The following SNTG1 variants were observed in gnomAD, a reference collection of about 807,000 sequenced individuals.
SNTG1 encodes gamma-1-syntrophin.
SNTG1 carries 39 observed loss-of-function variants against 74.7 expected under a neutral mutation model. That is an observed-to-expected ratio of 0.52 (90% CI 0.40 to 0.68). The LOEUF is 0.68. SNTG1 is among the 30% of genes least tolerant of loss of function. The pLI, the probability that SNTG1 is intolerant of heterozygous loss-of-function variation, is 0.00. For missense variants in SNTG1, 685 were observed against 609.5 expected (o/e 1.12, Z -1.30); for synonymous variants, 254 against 217.1 (o/e 1.17, Z -1.49).
At chr8:50,595,240 T>C (rs1190581049) in intron 13 of SNTG1, among the ~76,000 whole-genome samples, 1 of 152,110 alleles carries the variant, frequency 6.6e-6, no homozygotes, top group Non-Finnish European at 1.5e-5. Context: ...GTTTTTGTTC[T>C]GGTCTATTTC....
intron 13 of SNTG1, among the ~76,000 whole-genome samples, chr8:50,636,431 G>A (rs1316536403): frequency 1.3e-5 from 2 of 152,046 alleles, no homozygotes; most frequent in African/African-American, 4.8e-5. Context: ...GCACACGGTA[G>A]TAAAGCTTGC....
chr8:50,483,608 T>G (rs970057432), intron 8 of SNTG1, among the ~76,000 whole-genome samples: 9 of 152,128 alleles, frequency 5.9e-5, no homozygotes, highest in African/African-American at 1.7e-4. Flanking sequence ...AAATTCAGAA[T>G]AGCATGTTCA....
At chr8:50,160,216 C>T (rs528833195) in intron 1 of SNTG1, among the ~76,000 whole-genome samples, 3 of 152,224 alleles carry the variant, frequency 2.0e-5, no homozygotes, top group South Asian at 4.1e-4. Context: ...CTAGATAATA[C>T]TCACCTGGAG....
intron 18 of SNTG1, among the ~76,000 whole-genome samples, chr8:50,783,019 AT>A (rs1324742227): frequency 6.6e-6 from 1 of 152,034 alleles, no homozygotes; most frequent in Non-Finnish European, 1.5e-5. Flanking sequence ...AGAAGAGCCG[AT>A]TTTCATGAAC....
In SNTG1 at chr8:50,426,852, A is replaced by G. The variant is rs193018971; in HGVS notation, c.163-11691A>G. ...AGTAACACAAATTTAAAAAGCAATA[A>G]CGTATAATAACTATTTACTATATAG... On this transcript the variant is annotated intron_variant, in intron 4 of 18. Coordinates refer to ENST00000642720, the MANE Select transcript of SNTG1 (RefSeq NM_018967.5). Among the ~76,000 whole-genome samples the G allele has an allele frequency of 3.5e-3, 527 of 152,232 alleles. 3 individuals are homozygous for G. Among genetic ancestry groups the G allele is most frequent in the African/African-American group, 0.012 (507 of 41,558 alleles).
intron 2 of SNTG1, among the ~76,000 whole-genome samples, chr8:50,199,659 G>C (rs1418100095): frequency 6.6e-6 from 1 of 152,118 alleles, no homozygotes; most frequent in Non-Finnish European, 1.5e-5. Flanking sequence ...AAATTATGAC[G>C]ACGCTGAGTG....
At chr8:50,116,567 T>C (rs1488487884) in intron 1 of SNTG1, among the ~76,000 whole-genome samples, 1 of 152,200 alleles carries the variant, frequency 6.6e-6, no homozygotes, top group African/African-American at 2.4e-5. Context: ...TTCGTATTCG[T>C]TCATTTATAA....
intron 1 of SNTG1, among the ~76,000 whole-genome samples, chr8:50,036,829 A>G (rs1818209753): frequency 6.6e-6 from 1 of 152,184 alleles, no homozygotes; most frequent in Non-Finnish European, 1.5e-5. Context: ...ACCATCTTTT[A>G]TTTTCCCTTA....
intron 2 of SNTG1, among the ~76,000 whole-genome samples, chr8:50,258,697 A>G (rs1467083151): frequency 6.6e-6 from 1 of 152,154 alleles, no homozygotes; most frequent in East Asian, 1.9e-4. Flanking sequence ...TAAACAATCT[A>G]TGAACTTGAA....
intron 13 of SNTG1, among the ~76,000 whole-genome samples, chr8:50,617,384 A>T (rs1028839378): frequency 8.8e-4 from 110 of 125,590 alleles, no homozygotes; most frequent in African/African-American, 3.9e-3. Context: ...CATTTCACAC[A>T]CACACACACA....
At chr8:50,363,049 A>C (rs1323435875) in intron 2 of SNTG1, among the ~76,000 whole-genome samples, 2 of 152,154 alleles carry the variant, frequency 1.3e-5, no homozygotes, top group Non-Finnish European at 2.9e-5. Context: ...AAAAAAAAGA[A>C]AGAAATTCTT....
chr8:50,350,170 C>T (rs1172190783), intron 2 of SNTG1, among the ~76,000 whole-genome samples: 1 of 152,138 alleles, frequency 6.6e-6, no homozygotes, highest in Non-Finnish European at 1.5e-5. Flanking sequence ...GGCTCTGGAC[C>T]TGCAGCCCGC....
rs2081104724 is a variant in SNTG1 at position 50,125,261 on chromosome 8, A to AAATCCC, written c.-102-47299_-102-47298insATCCCA. 3.5e-5 allele frequency among the ~76,000 whole-genome samples: 5 copies of AAATCCC among 142,702 alleles called. 1 individual carries two copies. The highest frequency in any genetic ancestry group is 7.8e-5 in the Non-Finnish European group (5 of 63,980). 93.6% of individuals were successfully genotyped at this position (142,702 alleles called of 152,430 possible). ...GAAATTAAATCCCAGCTAAGAATAT[A>AAATCCC]AGCCATTATTTAAAGCAATTACAGG... On this transcript the variant is annotated intron_variant, in intron 1 of 18. Transcript: ENST00000642720.
chr8:50,579,729 T>C (rs1213274975), intron 12 of SNTG1, among the ~76,000 whole-genome samples: 1 of 152,214 alleles, frequency 6.6e-6, no homozygotes, highest in African/African-American at 2.4e-5. Context: ...GCAGCTTCCA[T>C]GTGGTGTTTG....
chr8:50,248,008 T>C (rs775954342), intron 2 of SNTG1, among the ~76,000 whole-genome samples: 2 of 152,136 alleles, frequency 1.3e-5, no homozygotes, highest in Non-Finnish European at 2.9e-5. Context: ...GTTATGGTCG[T>C]CTTCTCCCTG....
chr8:50,392,917 G>A (rs1279868691), intron 2 of SNTG1, among the ~76,000 whole-genome samples: 3 of 151,952 alleles, frequency 2.0e-5, no homozygotes, highest in Non-Finnish European at 4.4e-5. Context: ...TATTTCTCTG[G>A]TTGCTTTTTA....
chr8:50,756,949 A>G (rs922888309), intron 18 of SNTG1, among the ~76,000 whole-genome samples: 19 of 151,680 alleles, frequency 1.3e-4, no homozygotes, highest in African/African-American at 2.2e-4. Context: ...TCAGAGTTTG[A>G]TAGTTTTCCT....
chr8:50,195,142 G>A (rs1415786216), intron 2 of SNTG1, among the ~76,000 whole-genome samples: 1 of 152,050 alleles, frequency 6.6e-6, no homozygotes, highest in Admixed American at 6.6e-5. Flanking sequence ...ATGCAAGTGA[G>A]GTTCCCATGT....
chr8:50,318,953 A>G (rs2090422259), intron 2 of SNTG1, among the ~76,000 whole-genome samples: 1 of 151,736 alleles, frequency 6.6e-6, no homozygotes, highest in Non-Finnish European at 1.5e-5. Flanking sequence ...CTGTGTATAT[A>G]TCTACGTATG....
Sources: gnomAD v4.1 joint callset for allele counts (sites outside exome capture counted in the v4.1 genomes callset) on GRCh38, gnomAD v4.1.1 for gene constraint, MANE v1.5 for transcripts, NCBI Gene and HGNC (gene_info 2026-07-23, HGNC 2026-07-21) for gene names.